MAN1A2: variants seen among roughly 807,000 people sequenced by gnomAD.
MAN1A2 encodes the protein mannosyl-oligosaccharide 1,2-alpha-mannosidase IB.
In MAN1A2, 26 loss-of-function variants were observed where a neutral mutation model predicts 75.7. The observed-to-expected ratio is 0.34, with a 90% CI of 0.25 to 0.48. MAN1A2 has a LOEUF of 0.48. Among genes scored for constraint, MAN1A2 ranks in the 20% least tolerant of loss-of-function variants. The pLI is 0.99. For synonymous variants in MAN1A2, 247 were observed against 264.6 expected (o/e 0.93, Z 0.65); for missense variants, 562 against 775.5 (o/e 0.72, Z 3.27).
chr1:117,396,321 C>G (rs1038092197), intron 1 of MAN1A2, among the ~76,000 whole-genome samples: 1 of 152,150 alleles, frequency 6.6e-6, no homozygotes, highest in African/African-American at 2.4e-5. Context: ...CATTACCTCC[C>G]AGAAGCTGAA....
chr1:117,378,394 TC>T (rs1653225271), intron 1 of MAN1A2, among the ~76,000 whole-genome samples: 1 of 152,186 alleles, frequency 6.6e-6, no homozygotes, highest in South Asian at 2.1e-4. Context: ...GTTTTCCCCT[TC>T]ATGTTATCTT....
At chr1:117,458,665 G>A (rs902573833) in intron 6 of MAN1A2, among the ~76,000 whole-genome samples, 22 of 150,886 alleles carry the variant, frequency 1.5e-4, no homozygotes, top group African/African-American at 5.1e-4. Flanking sequence ...CTGGGATTAC[G>A]GCGCCTGCCA....
intron 5 of MAN1A2, among the ~76,000 whole-genome samples, chr1:117,438,699 C>T (rs1205234941): frequency 6.6e-6 from 1 of 151,996 alleles, no homozygotes; most frequent in African/African-American, 2.4e-5. Flanking sequence ...AAATACTTAC[C>T]ATTGTGTTAA....
At chr1:117,450,414 C>G (rs1459220823) in intron 6 of MAN1A2, among the ~76,000 whole-genome samples, 1 of 152,120 alleles carries the variant, frequency 6.6e-6, no homozygotes, top group Non-Finnish European at 1.5e-5. Flanking sequence ...CATAGAAGTT[C>G]AGAAAATTTG....
intron 5 of MAN1A2, among the ~76,000 whole-genome samples, chr1:117,431,192 A>C (rs1570739181): frequency 2.4e-5 from 1 of 40,940 alleles, no homozygotes; most frequent in Admixed American, 3.5e-4. Context: ...GACCGTGGGG[A>C]GAGGGAGGGG....
chr1:117,413,221 CAG>C (rs747996299), intron 3 of MAN1A2, among the ~76,000 whole-genome samples: 1 of 151,790 alleles, frequency 6.6e-6, no homozygotes, highest in Admixed American at 6.6e-5. Flanking sequence ...AGGAATTTAT[CAG>C]AGTGTGTTGG....
intron 8 of MAN1A2, among the ~76,000 whole-genome samples, chr1:117,467,678 A>G (rs1026854008): frequency 3.9e-5 from 6 of 152,136 alleles, no homozygotes; most frequent in African/African-American, 1.4e-4. Context: ...TCTAAAATGT[A>G]AAAACGTAGT....
intron 1 of MAN1A2, among the ~76,000 whole-genome samples, chr1:117,373,022 A>G (rs1263531299): frequency 6.6e-6 from 1 of 152,158 alleles, no homozygotes; most frequent in Non-Finnish European, 1.5e-5. Context: ...AGACGTAATC[A>G]CTCAAACCTG....
Position 117,420,562 on chromosome 1 carries a change from T to C in MAN1A2, c.775-7T>C, listed in dbSNP as rs767441324. The C allele has an allele frequency of 6.3e-7, 1 of 1,598,980 alleles. No homozygotes were observed. Among genetic ancestry groups the C allele is most frequent in the South Asian group, 1.1e-5 (1 of 90,646 alleles). On this transcript the variant is annotated splice_region_variant and splice_polypyrimidine_tract_variant and intron_variant, in intron 4 of 12. Transcript: ENST00000356554. ...ATTTGTGAATGTTTTCAATATGTTT[T>C]TCACAGAATTCAGAGGTGTCTGTGT...
At chr1:117,382,658 G>A (rs565757824) in intron 1 of MAN1A2, among the ~76,000 whole-genome samples, 294 of 152,132 alleles carry the variant, frequency 1.9e-3, no homozygotes, top group African/African-American at 6.7e-3. Flanking sequence ...TTGACTTGGC[G>A]ATGCGGGCTC....
chr1:117,476,764 CATAGT>C (rs1201570638), intron 8 of MAN1A2, among the ~76,000 whole-genome samples: 1 of 151,700 alleles, frequency 6.6e-6, no homozygotes, highest in Admixed American at 6.6e-5. Context: ...ACTGTAGCCT[CATAGT>C]ATAGTTTGAA....
chr1:117,509,702 A>G (rs1019910542), intron 12 of MAN1A2, among the ~76,000 whole-genome samples: 1 of 151,992 alleles, frequency 6.6e-6, no homozygotes, highest in African/African-American at 2.4e-5. Context: ...TTTAAACACT[A>G]TAATGTGTAG....
intron 3 of MAN1A2, among the ~76,000 whole-genome samples, chr1:117,410,636 G>C (rs1266807472): frequency 6.8e-6 from 1 of 147,198 alleles, no homozygotes; most frequent in Non-Finnish European, 1.5e-5. Context: ...AAAAAAAAAA[G>C]AATAAAGATT....
In MAN1A2 at chr1:117,496,721, T is replaced by C. The variant is rs369444152; in HGVS notation, c.1285-42T>C. 6.3e-5 allele frequency: 87 copies of C among 1,385,002 alleles called. No homozygotes were observed. The East Asian group carries it at 7.6e-4, about 12-fold the overall frequency. The allele number at this position is 1,385,002 out of a possible 1,614,324, so 85.8% of individuals were successfully genotyped here. A position where few individuals can be genotyped will look rare whatever the true frequency, so the allele number is the denominator to read the frequency against. On this transcript the variant is annotated intron_variant, in intron 9 of 12. Coordinates refer to ENST00000356554, the MANE Select transcript of MAN1A2 (RefSeq NM_006699.5). ...AGGATATAGTAAGTTTGAACACTAA[T>C]AGTTTGCATCTAAAATTTTGAATAT...
chr1:117,450,083 A>G (rs1405340829), intron 6 of MAN1A2, among the ~76,000 whole-genome samples: 4 of 152,254 alleles, frequency 2.6e-5, no homozygotes, highest in Non-Finnish European at 4.4e-5. Context: ...AGACAGGAAA[A>G]TGTGGGAAAG....
At chr1:117,494,559 A>T (rs1038295832) in intron 9 of MAN1A2, 3 of 152,128 alleles carry the variant, frequency 2.0e-5, no homozygotes, top group African/African-American at 4.8e-5. Flanking sequence ...AATTGTTTTT[A>T]AAAAATGCAC....
chr1:117,448,290 A>G (rs1194630075), intron 6 of MAN1A2, among the ~76,000 whole-genome samples: 1 of 152,208 alleles, frequency 6.6e-6, no homozygotes, highest in African/African-American at 2.4e-5. Flanking sequence ...ATATCCAACA[A>G]TATACTTTTA....
At chr1:117,377,774 T>C (rs940846823) in intron 1 of MAN1A2, among the ~76,000 whole-genome samples, 2 of 152,246 alleles carry the variant, frequency 1.3e-5, no homozygotes, top group Non-Finnish European at 2.9e-5. Flanking sequence ...TTTATAATAG[T>C]ATGCTTTCAT....
chr1:117,504,615 A>G (rs958955061), intron 12 of MAN1A2, among the ~76,000 whole-genome samples: 2 of 151,380 alleles, frequency 1.3e-5, no homozygotes, highest in East Asian at 1.9e-4. Flanking sequence ...CCCATTTTCA[A>G]ATTTCTCCAA....
Sources: allele counts gnomAD v4.1 joint callset (sites outside exome capture counted in the v4.1 genomes callset), GRCh38; gene constraint gnomAD v4.1.1; transcripts MANE v1.5; gene names NCBI Gene and HGNC (gene_info 2026-07-23, HGNC 2026-07-21).